SLX4IP: variants seen among roughly 807,000 people sequenced by gnomAD.
The protein encoded by SLX4IP is SLX4 interacting protein, also known as protein SLX4IP.
Under a neutral mutation model 32.9 loss-of-function variants are expected in SLX4IP, and 34 were observed. That is an observed-to-expected ratio of 1.03 (90% CI 0.79 to 1.38). The LOEUF (loss-of-function observed/expected upper bound fraction) is 1.38, where lower values mean the gene tolerates loss of function less well. Ranked by LOEUF, SLX4IP falls within the 40% of genes most tolerant of loss-of-function variation. The probability of loss-of-function intolerance (pLI) is 0.00; values close to 1 mark genes in which losing one functional copy is unlikely to be tolerated. For synonymous variants in SLX4IP, 172 were observed against 171.7 expected (o/e 1.00, Z -0.01); for missense variants, 444 against 479.0 (o/e 0.93, Z 0.68).
intron 4 of SLX4IP, among the ~76,000 whole-genome samples, chr20:10,584,453 A>G (rs2066622061): frequency 6.6e-6 from 1 of 152,236 alleles, no homozygotes; most frequent in Non-Finnish European, 1.5e-5. Flanking sequence ...AACTCTGCAA[A>G]GCACTACCAT....
chr20:10,465,813 A>T (rs1324469269), intron 2 of SLX4IP, among the ~76,000 whole-genome samples: 2 of 152,218 alleles, frequency 1.3e-5, no homozygotes, highest in Non-Finnish European at 2.9e-5. Context: ...GCCTACAAAT[A>T]TATCTTTTAC....
intron 1 of SLX4IP, among the ~76,000 whole-genome samples, chr20:10,438,203 G>T (rs1033985016): frequency 1.3e-4 from 20 of 151,672 alleles, no homozygotes; most frequent in African/African-American, 4.4e-4. Flanking sequence ...AATATACCAG[G>T]CCTGGAAGAG....
At chr20:10,585,957 C>A (rs1462238755) in intron 4 of SLX4IP, among the ~76,000 whole-genome samples, 1 of 152,008 alleles carries the variant, frequency 6.6e-6, no homozygotes, top group Non-Finnish European at 1.5e-5. Flanking sequence ...ATCCTCATCT[C>A]TAAAGCTTGG....
chr20:10,536,014 C>T (rs910625027), intron 2 of SLX4IP, among the ~76,000 whole-genome samples: 3 of 152,068 alleles, frequency 2.0e-5, no homozygotes, highest in Admixed American at 6.5e-5. Flanking sequence ...CAGAAATGAG[C>T]GCCGGAGACT....
intron 4 of SLX4IP, among the ~76,000 whole-genome samples, chr20:10,588,656 A>G (rs751024704): frequency 2.0e-5 from 3 of 152,372 alleles, no homozygotes; most frequent in Middle Eastern, 3.4e-3. Context: ...TAAGCCAGAC[A>G]TAGACAAATA....
intron 1 of SLX4IP, among the ~76,000 whole-genome samples, chr20:10,457,653 A>G (rs1407338698): frequency 1.3e-5 from 2 of 151,930 alleles, no homozygotes; most frequent in Non-Finnish European, 2.9e-5. Context: ...AGGGACATTG[A>G]TGTGTGGTTT....
intron 1 of SLX4IP, among the ~76,000 whole-genome samples, chr20:10,446,439 A>C (rs2065203491): frequency 6.6e-6 from 1 of 151,252 alleles, no homozygotes; most frequent in African/African-American, 2.4e-5. Context: ...AAAAGTTACT[A>C]TGAACATTTT....
chr20:10,591,832 A>T (rs1283601141), intron 4 of SLX4IP, among the ~76,000 whole-genome samples: 1 of 152,192 alleles, frequency 6.6e-6, no homozygotes, highest in East Asian at 1.9e-4. Flanking sequence ...ATCTGAAGTG[A>T]TCATTTCTCA....
intron 2 of SLX4IP, among the ~76,000 whole-genome samples, chr20:10,554,281 A>G (rs761166559): frequency 3.9e-5 from 6 of 152,208 alleles, no homozygotes; most frequent in African/African-American, 9.6e-5. Flanking sequence ...TGTTGAGTCT[A>G]TCGGTAGTGT....
At chr20:10,522,229 A>G (rs747987095) in intron 2 of SLX4IP, among the ~76,000 whole-genome samples, 14 of 152,210 alleles carry the variant, frequency 9.2e-5, no homozygotes, top group Non-Finnish European at 1.6e-4. Context: ...AGTTAATGCA[A>G]TGACATTATT....
chr20:10,561,833 A>G (rs2066335825), intron 4 of SLX4IP, among the ~76,000 whole-genome samples: 4 of 152,158 alleles, frequency 2.6e-5, no homozygotes, highest in Admixed American at 2.6e-4. Context: ...CCATTAATTC[A>G]TTCCTTTTTA....
chr20:10,504,933 A>G (rs1176165461), intron 2 of SLX4IP, among the ~76,000 whole-genome samples: 1 of 151,850 alleles, frequency 6.6e-6, no homozygotes, highest in African/African-American at 2.4e-5. Context: ...AAGAAACTGT[A>G]GGAGGAAAAA....
chr20:10,508,728 T>C (rs1244060021), intron 2 of SLX4IP, among the ~76,000 whole-genome samples: 1 of 152,232 alleles, frequency 6.6e-6, no homozygotes, highest in Non-Finnish European at 1.5e-5. Flanking sequence ...CTATCCCTTC[T>C]TGCTGTTGTC....
intron 4 of SLX4IP, among the ~76,000 whole-genome samples, chr20:10,563,391 A>T (rs552330211): frequency 6.6e-6 from 1 of 152,192 alleles, no homozygotes; most frequent in Non-Finnish European, 1.5e-5. Context: ...TTTGCTGTAT[A>T]GAAGATTTTT....
intron 2 of SLX4IP, among the ~76,000 whole-genome samples, chr20:10,502,044 T>C (rs1436502415): frequency 6.6e-6 from 1 of 152,164 alleles, no homozygotes; most frequent in Non-Finnish European, 1.5e-5. Flanking sequence ...TTTCACTGGG[T>C]GGGGCCGAAA....
At chr20:10,511,054 T>A (rs1445031851) in intron 2 of SLX4IP, among the ~76,000 whole-genome samples, 2 of 152,242 alleles carry the variant, frequency 1.3e-5, no homozygotes, top group Non-Finnish European at 2.9e-5. Flanking sequence ...AGAACCTGGC[T>A]TTGGTGCCGT....
chr20:10,563,607 T>G (rs1205049226), intron 4 of SLX4IP, among the ~76,000 whole-genome samples: 1 of 152,174 alleles, frequency 6.6e-6, no homozygotes, highest in Non-Finnish European at 1.5e-5. Flanking sequence ...GGGGCCCAGT[T>G]TCATTCTTCT....
intron 2 of SLX4IP, among the ~76,000 whole-genome samples, chr20:10,532,104 C>T (rs543087339): frequency 1.3e-5 from 2 of 152,226 alleles, no homozygotes; most frequent in Non-Finnish European, 2.9e-5. Flanking sequence ...TCGTCATTGA[C>T]TGGAGTGGTC....
At chr20:10,452,681 AT>A (rs1406928055) in intron 1 of SLX4IP, among the ~76,000 whole-genome samples, 32 of 35,114 alleles carry the variant, frequency 9.1e-4, no homozygotes, top group Admixed American at 1.6e-3. Context: ...AAAAAAAAAA[AT>A]ATATATATAT....
Sources: allele counts gnomAD v4.1 joint callset (sites outside exome capture counted in the v4.1 genomes callset), GRCh38; gene constraint gnomAD v4.1.1; transcripts MANE v1.5; gene names NCBI Gene and HGNC (gene_info 2026-07-23, HGNC 2026-07-21).